Variants in SIK2 observed in about 807,000 individuals in gnomAD.
SIK2 encodes salt inducible kinase 2, also known as serine/threonine-protein kinase SIK2.
A neutral mutation model predicts 103.2 loss-of-function variants in SIK2; 29 were observed. The ratio of observed to expected loss-of-function variants is 0.28; its 90% CI spans 0.21 to 0.38. The LOEUF is 0.38. Among genes scored for constraint, SIK2 ranks in the 10% least tolerant of loss-of-function variants. SIK2 has a pLI of 1.00. For synonymous variants in SIK2, 412 were observed against 446.1 expected (o/e 0.92, Z 0.96); for missense variants, 879 against 1,171.0 (o/e 0.75, Z 3.64).
intron 3 of SIK2, among the ~76,000 whole-genome samples, chr11:111,686,690 T>A (rs1240930214): frequency 2.0e-5 from 3 of 152,228 alleles, no homozygotes; most frequent in Admixed American, 6.5e-5. Flanking sequence ...TAATGAGTGG[T>A]AATGTTTAGT....
rs547024178 is a variant in SIK2, at chr11:111,603,050, C to T, written c.135+352C>T. On this transcript the variant is annotated intron_variant, in intron 1 of 14. Transcript: ENST00000304987. ...CCGCTCCGGAGCCCAAGTTCCGCGTCTTCCCTGCTTTCGGCTGGGGGTGGG... is the reference window on the plus strand; with the variant it reads ...CCGCTCCGGAGCCCAAGTTCCGCGTTTTCCCTGCTTTCGGCTGGGGGTGGG... 1.3e-4 allele frequency among the ~76,000 whole-genome samples: 19 copies of T among 148,226 alleles called. No homozygotes were observed. In the South Asian group the frequency reaches 1.6e-3, roughly 12 times the overall value.
At chr11:111,669,573 C>T (rs1192443569) in intron 3 of SIK2, among the ~76,000 whole-genome samples, 1 of 150,962 alleles carries the variant, frequency 6.6e-6, no homozygotes, top group Non-Finnish European at 1.5e-5. Flanking sequence ...CCTCCCGCCC[C>T]GCCTCCATCT....
intron 1 of SIK2, among the ~76,000 whole-genome samples, chr11:111,607,151 T>C (rs896940793): frequency 3.3e-5 from 5 of 152,188 alleles, no homozygotes; most frequent in African/African-American, 1.2e-4. Flanking sequence ...AGATATTTCA[T>C]AGAGGTTCTA....
chr11:111,704,282 G>T (rs1418003616), intron 7 of SIK2, among the ~76,000 whole-genome samples: 1 of 152,170 alleles, frequency 6.6e-6, no homozygotes, highest in Non-Finnish European at 1.5e-5. Flanking sequence ...TCTGCATCCT[G>T]GTGCCCTGCA....
intron 3 of SIK2, among the ~76,000 whole-genome samples, chr11:111,644,391 T>A (rs950917033): frequency 2.0e-5 from 3 of 150,324 alleles, no homozygotes; most frequent in African/African-American, 4.9e-5. Context: ...TTTTTACATT[T>A]AAAAAAAAAG....
intron 3 of SIK2, among the ~76,000 whole-genome samples, chr11:111,637,797 A>G (rs941528054): frequency 5.9e-5 from 9 of 152,050 alleles, no homozygotes; most frequent in African/African-American, 2.2e-4. Context: ...CAGAACAACA[A>G]TAATTTTGTT....
At chr11:111,618,266 C>T (rs776083911) in intron 2 of SIK2, among the ~76,000 whole-genome samples, 11 of 152,072 alleles carry the variant, frequency 7.2e-5, no homozygotes, top group African/African-American at 1.4e-4. Flanking sequence ...AATGGGGAGC[C>T]GCTGTAAATA....
chr11:111,608,245 C>G (rs1941674245), intron 1 of SIK2, among the ~76,000 whole-genome samples: 1 of 152,060 alleles, frequency 6.6e-6, no homozygotes, highest in South Asian at 2.1e-4. Flanking sequence ...TTGGAAATTC[C>G]ATCAGAAACT....
At chr11:111,704,609 G>C (rs968792193) in intron 7 of SIK2, among the ~76,000 whole-genome samples, 1 of 152,170 alleles carries the variant, frequency 6.6e-6, no homozygotes, top group African/African-American at 2.4e-5. Context: ...CATGGAATTA[G>C]AGCCTCGGGC....
At chr11:111,721,714 A>G (rs559153691) in intron 12 of SIK2, 116 bp from the exon 13 acceptor site, 109 of 676,708 alleles carry the variant, frequency 1.6e-4, no homozygotes, top group African/African-American at 3.8e-4. Flanking sequence ...TTGAGTATTA[A>G]TAAGTCTCAG....
rs758764006 is a variant in SIK2, at chr11:111,700,870, A to T, written c.479-16A>T. On this transcript the variant is annotated splice_polypyrimidine_tract_variant and intron_variant, in intron 4 of 14. Coordinates refer to ENST00000304987, the MANE Select transcript of SIK2 (RefSeq NM_015191.3). ...GAGAGCATAGATGAAAATAACATTT[A>T]TTTCCATCCTAATAGATTTCGGTTT... 6 of 1,613,440 alleles carry T rather than the reference A, an allele frequency of 3.7e-6. No homozygotes were observed. The Admixed American group carries it at 1.0e-4, about 27-fold the overall frequency.
intron 3 of SIK2, among the ~76,000 whole-genome samples, chr11:111,658,572 A>G (rs1191850822): frequency 6.6e-6 from 1 of 152,126 alleles, no homozygotes; most frequent in Non-Finnish European, 1.5e-5. Flanking sequence ...GCAAAACTCC[A>G]TCTCTACAAA....
At chr11:111,631,556 G>A (rs538278761) in intron 3 of SIK2, among the ~76,000 whole-genome samples, 1 of 152,234 alleles carries the variant, frequency 6.6e-6, no homozygotes, top group African/African-American at 2.4e-5. Flanking sequence ...AGAGATAAGT[G>A]AAGCAACAAA....
chr11:111,724,376 G>A lies in SIK2; in HGVS notation c.*247G>A, dbSNP rs1387732277. Reference sequence around the variant, plus strand: ...AGGCTGAGGCTCCTGCCCTTCGGTCGAGTGGAGCAAGCTCTCGAGGGCAGC... The same window carrying A: ...AGGCTGAGGCTCCTGCCCTTCGGTCAAGTGGAGCAAGCTCTCGAGGGCAGC... On this transcript the variant is annotated 3_prime_UTR_variant, in exon 15 of 15. Transcript: ENST00000304987. 1.5e-5 allele frequency: 8 copies of A among 540,156 alleles called. No individual in the cohort carries two copies. Among genetic ancestry groups the A allele is most frequent in the South Asian group, 4.6e-5 (2 of 43,560 alleles). 33.5% of individuals were successfully genotyped at this position (540,156 alleles called of 1,614,324 possible). A position where few individuals can be genotyped will look rare whatever the true frequency, so the allele number is the denominator to read the frequency against.
rs534342447 is a variant in SIK2 at position 111,690,645 on chromosome 11, T to C, written c.478+2483T>C. Among the ~76,000 whole-genome samples the C allele has an allele frequency of 6.0e-5, 9 of 148,810 alleles. No individual in the cohort carries two copies. The South Asian group carries it at 1.9e-3, about 32-fold the overall frequency. On this transcript the variant is annotated intron_variant, in intron 4 of 14. Transcript: ENST00000304987. ...CCCCCAAAGAGGCCCCCATGTGTGA[T>C]GTTCCCCTCCCTGTGTCCATGTATT...
chr11:111,639,714 G>A (rs538828948), intron 3 of SIK2, among the ~76,000 whole-genome samples: 2 of 152,178 alleles, frequency 1.3e-5, no homozygotes, highest in East Asian at 3.9e-4. Flanking sequence ...CTTTCTCATT[G>A]AAATTCATTG....
At chr11:111,614,874 C>A (rs955741338) in intron 1 of SIK2, among the ~76,000 whole-genome samples, 1 of 152,192 alleles carries the variant, frequency 6.6e-6, no homozygotes, top group African/African-American at 2.4e-5. Context: ...CACAGTGGCT[C>A]ACGCCTGAAA....
intron 3 of SIK2, among the ~76,000 whole-genome samples, chr11:111,638,310 C>T (rs1942136873): frequency 6.6e-6 from 1 of 152,182 alleles, no homozygotes; most frequent in African/African-American, 2.4e-5. Flanking sequence ...GGATAAGCCT[C>T]TAGATTTCTA....
intron 12 of SIK2, 142 bp downstream of exon 12, chr11:111,721,204 T>G: frequency 9.7e-7 from 1 of 1,033,212 alleles, no homozygotes; most frequent in Non-Finnish European, 1.4e-6. Context: ...CTTCTTTGCC[T>G]TGTTGCTGCC....
Sources: allele counts gnomAD v4.1 joint callset (sites outside exome capture counted in the v4.1 genomes callset), GRCh38; gene constraint gnomAD v4.1.1; transcripts MANE v1.5; gene names NCBI Gene and HGNC (gene_info 2026-07-23, HGNC 2026-07-21).